MKX: variants seen among roughly 807,000 people sequenced by gnomAD.
The protein encoded by MKX is mohawk homeobox, also known as homeobox protein Mohawk.
Under a neutral mutation model 36.0 loss-of-function variants are expected in MKX, and 13 were observed. The ratio of observed to expected loss-of-function variants is 0.36; its 90% CI spans 0.24 to 0.57. The LOEUF is 0.57. MKX is among the 20% of genes least tolerant of loss of function. The probability of loss-of-function intolerance (pLI) is 0.79; values close to 1 mark genes in which losing one functional copy is unlikely to be tolerated. For missense variants in MKX, 458 were observed against 456.4 expected, an observed-to-expected ratio of 1.00 and a Z score of -0.03; for synonymous variants, 176 against 178.3, an observed-to-expected ratio of 0.99 and a Z score of 0.10.
intron 5 of MKX, among the ~76,000 whole-genome samples, chr10:27,704,678 T>C (rs1438579660): frequency 6.6e-6 from 1 of 152,200 alleles, no homozygotes; most frequent in Non-Finnish European, 1.5e-5. Context: ...TGTCACACCA[T>C]ATTATACTAT....
intron 5 of MKX, among the ~76,000 whole-genome samples, chr10:27,717,243 A>C (rs1836982538): frequency 6.6e-6 from 1 of 152,204 alleles, no homozygotes; most frequent in African/African-American, 2.4e-5. Context: ...CAGAGAACCT[A>C]GCTATGCCAT....
At chr10:27,677,808 G>T (rs1447631202) in intron 5 of MKX, among the ~76,000 whole-genome samples, 2 of 152,188 alleles carry the variant, frequency 1.3e-5, no homozygotes, top group Non-Finnish European at 2.9e-5. Context: ...TCCTTTCACT[G>T]ACTACTCAGG....
At chr10:27,710,065 G>A (rs1386999741) in intron 5 of MKX, among the ~76,000 whole-genome samples, 3 of 151,938 alleles carry the variant, frequency 2.0e-5, no homozygotes, top group Non-Finnish European at 4.4e-5. Flanking sequence ...CACATGCTGG[G>A]TTGCCTCATG....
At chr10:27,717,729 G>T (rs1361685596) in intron 5 of MKX, among the ~76,000 whole-genome samples, 1 of 152,212 alleles carries the variant, frequency 6.6e-6, no homozygotes, top group Non-Finnish European at 1.5e-5. Context: ...TGCTGTTTAT[G>T]ATTTTTGCCC....
At chr10:27,684,972 AC>A (rs1836317324) in intron 5 of MKX, among the ~76,000 whole-genome samples, 1 of 152,224 alleles carries the variant, frequency 6.6e-6, no homozygotes, top group African/African-American at 2.4e-5. Flanking sequence ...TCTATGCCAG[AC>A]ACTATGCCAG....
At chr10:27,736,611 T>C (rs1207379263) in intron 3 of MKX, among the ~76,000 whole-genome samples, 1 of 152,090 alleles carries the variant, frequency 6.6e-6, no homozygotes, top group Non-Finnish European at 1.5e-5. Context: ...TAATGGTTTG[T>C]GTGGCAATGT....
intron 5 of MKX, among the ~76,000 whole-genome samples, chr10:27,693,137 C>T (rs1836484647): frequency 6.6e-6 from 1 of 152,130 alleles, no homozygotes; most frequent in African/African-American, 2.4e-5. Context: ...TGAAAGCCAC[C>T]TATATGTCTA....
intron 5 of MKX, among the ~76,000 whole-genome samples, chr10:27,692,454 C>T (rs1314679442): frequency 6.6e-6 from 1 of 152,202 alleles, no homozygotes; most frequent in African/African-American, 2.4e-5. Context: ...CCTCCTTCTT[C>T]TAACTGGAAT....
chr10:27,711,871 T>C (rs1303636184), intron 5 of MKX, among the ~76,000 whole-genome samples: 1 of 152,040 alleles, frequency 6.6e-6, no homozygotes, highest in Non-Finnish European at 1.5e-5. Flanking sequence ...AACAACTGTG[T>C]TCATCCTTCA....
chr10:27,718,626 A>T, intron 5 of MKX: 1 of 431,342 alleles, frequency 2.3e-6, no homozygotes, highest in South Asian at 1.7e-5. Context: ...AGTCAGGTCT[A>T]GTGTGCTACA....
chr10:27,723,856 C>T (rs544167983), intron 5 of MKX, among the ~76,000 whole-genome samples: 14 of 152,208 alleles, frequency 9.2e-5, no homozygotes, highest in African/African-American at 2.6e-4. Flanking sequence ...AATGTCTCTG[C>T]CATACTGGGA....
Position 27,743,365 on chromosome 10 carries a change from G to T in MKX, c.51C>A (p.Asp17Glu), listed in dbSNP as rs755202406. 6.3e-7 allele frequency: 1 copy of T among 1,577,926 alleles called. No homozygotes were observed. ...NKLSGAVLFE[D>E]GGASERERGG... ...CCCGCTCCCGCTCCGAGGCGCCTCC[G>T]TCCTCAAACAGCACCGCACCGCTGA... Residue 17 changes from aspartate to glutamate, a missense_variant, in exon 2 of 7, where the codon GAC becomes GAA. Physicochemically the swap from Asp to Glu is conservative, Grantham distance 45. This residue lies in a region of MKX where 149 missense variants were observed against 114.3 expected (regional missense o/e 1.30). Coordinates refer to ENST00000419761, the MANE Select transcript of MKX (RefSeq NM_173576.3).
intron 5 of MKX, among the ~76,000 whole-genome samples, chr10:27,722,133 G>A (rs1044681015): frequency 3.9e-5 from 6 of 152,118 alleles, no homozygotes; most frequent in Non-Finnish European, 5.9e-5. Flanking sequence ...AATCTTGGGA[G>A]AGATCTCCTA....
rs1434663465 is a variant in MKX, at chr10:27,744,182, A to G, written c.-82-685T>C. On this transcript the variant is annotated intron_variant, in intron 1 of 6. Transcript: ENST00000419761. The surrounding 1 kb of genome is among the most constrained non-coding windows in gnomAD (Gnocchi z 5.6). ...GCACCACTTCTCCCCCTTCTCTCCC[A>G]GAATCTTCCTATCATCCCCCAACGC... 1.3e-5 allele frequency among the ~76,000 whole-genome samples: 2 copies of G among 152,048 alleles called. No individual in the cohort carries two copies. Among genetic ancestry groups the G allele is most frequent in the Non-Finnish European group, 2.9e-5 (2 of 67,996 alleles).
intron 5 of MKX, among the ~76,000 whole-genome samples, chr10:27,686,190 G>T (rs1439335359): frequency 1.3e-5 from 2 of 152,078 alleles, no homozygotes; most frequent in African/African-American, 4.8e-5. Context: ...GGTGAGAAAT[G>T]AATAATAAAT....
Position 27,675,308 on chromosome 10 carries a change from G to T in MKX, c.980C>A (p.Thr327Asn), listed in dbSNP as rs1418430963. The T allele has an allele frequency of 3.1e-6, 5 of 1,614,214 alleles. No individual in the cohort carries two copies. The South Asian group carries it at 4.4e-5, about 14-fold the overall frequency. ...LAQGKDKLQG[T>N]TSCIIQKSSH... The stretch of plus-strand genomic sequence containing the variant: ...CGACTTCTGGATGATGCAGCTGGTA[G>T]TTCCCTGCAGTTTGTCCTTTCCCTG... The change falls in exon 7 of 7, where the codon ACT becomes AAT. Residue 327 changes from threonine to asparagine, a missense_variant. Physicochemically the swap from Thr to Asn is moderately conservative, Grantham distance 65. Around this residue, in one of 3 missense-constraint regions of MKX, gnomAD observed 297 missense variants for 304.4 expected, o/e 0.98. Transcript: ENST00000419761.
At chr10:27,733,304 G>A (rs1834674194) in intron 5 of MKX, among the ~76,000 whole-genome samples, 1 of 152,122 alleles carries the variant, frequency 6.6e-6, no homozygotes, top group Non-Finnish European at 1.5e-5. Flanking sequence ...ATGATCTAAA[G>A]GGTACATTAA....
At chr10:27,685,883 C>G (rs10128449) in intron 5 of MKX, among the ~76,000 whole-genome samples, 8,384 of 152,214 alleles carry the variant, frequency 0.055, 751 homozygotes, top group African/African-American at 0.19. Context: ...TGGTTATCCT[C>G]TCTTTGGGAC....
At chr10:27,735,579 G>T (rs1032557425) in intron 3 of MKX, among the ~76,000 whole-genome samples, 2 of 151,822 alleles carry the variant, frequency 1.3e-5, no homozygotes, top group African/African-American at 4.9e-5. Flanking sequence ...TGTATTTGTG[G>T]AATAAGGAAA....
Sources: gnomAD v4.1 joint callset for allele counts (sites outside exome capture counted in the v4.1 genomes callset) on GRCh38, gnomAD v4.1.1 for gene constraint, gnomAD v4.1.1 regional missense constraint, Gnocchi (gnomAD v3.1) non-coding constraint, MANE v1.5 for transcripts, NCBI Gene and HGNC (gene_info 2026-07-23, HGNC 2026-07-21) for gene names.